The following SEPTIN9 variants were observed in gnomAD, a reference collection of about 807,000 sequenced individuals.
SEPTIN9 encodes the protein septin 9, also known as septin-9.
Under a neutral mutation model 56.6 loss-of-function variants are expected in SEPTIN9, and 13 were observed. That is an observed-to-expected ratio of 0.23 (90% CI 0.15 to 0.37). The LOEUF (loss-of-function observed/expected upper bound fraction) is 0.37, where lower values mean the gene tolerates loss of function less well. SEPTIN9 is among the 10% of genes least tolerant of loss of function. SEPTIN9 has a pLI of 1.00. For synonymous variants in SEPTIN9, 332 were observed against 334.1 expected (o/e 0.99, Z 0.07); for missense variants, 650 against 823.1 (o/e 0.79, Z 2.57).
chr17:77,430,505 C>T (rs954683910), intron 3 of SEPTIN9, among the ~76,000 whole-genome samples: 1 of 152,158 alleles, frequency 6.6e-6, no homozygotes, highest in African/African-American at 2.4e-5. Context: ...AGGGAAGTGA[C>T]CTCATAGCAA....
At chr17:77,355,850 C>T (rs11650652) in intron 2 of SEPTIN9, among the ~76,000 whole-genome samples, 34,636 of 149,436 alleles carry the variant, frequency 0.23, 4,210 homozygotes, top group East Asian at 0.6. Context: ...GGCGTGGTGG[C>T]GGGTGCCTGT....
intron 2 of SEPTIN9, among the ~76,000 whole-genome samples, chr17:77,384,418 C>T (rs530169780): frequency 7.3e-5 from 11 of 151,696 alleles, no homozygotes; most frequent in South Asian, 6.3e-4. Context: ...GGATAACTCC[C>T]GGGGAGGTGG....
chr17:77,456,975 G>A lies in SEPTIN9; in HGVS notation c.722-25169G>A, dbSNP rs1431497344. Among the ~76,000 whole-genome samples, 1 of 152,238 alleles carries A rather than the reference G, an allele frequency of 6.6e-6. No individual in the cohort carries two copies. The highest frequency in any genetic ancestry group is 1.5e-5 in the Non-Finnish European group (1 of 68,044). ...AGGGCACGGTTGACTAAAGCTGCAG[G>A]AGCCAGCCTGGCCATCCTGAGGCAC... is the stretch of plus-strand genomic sequence containing the variant. On this transcript the variant is annotated intron_variant, in intron 3 of 11. Coordinates refer to ENST00000427177, the MANE Select transcript of SEPTIN9 (RefSeq NM_001113491.2). The surrounding 1 kb of genome is among the most constrained non-coding windows in gnomAD (Gnocchi z 6.0).
chr17:77,497,891 G>T (rs1324235699), intron 11 of SEPTIN9, among the ~76,000 whole-genome samples: 1 of 144,602 alleles, frequency 6.9e-6, no homozygotes, highest in Admixed American at 6.8e-5. Flanking sequence ...TGGCATGGAT[G>T]ATGGGAATGT....
rs2040392123 is a variant in SEPTIN9, at chr17:77,498,849, C to T, written c.*191C>T. On this transcript the variant is annotated 3_prime_UTR_variant, in exon 12 of 12. Transcript: ENST00000427177. ...AGTCAGTGATGAGGCCGCGGCCTCC[C>T]CGAGGTTGTGGGGAGGCTGCACTGG... 4.8e-6 allele frequency: 3 copies of T among 625,666 alleles called. No individual in the cohort carries two copies. The allele number at this position is 625,666 out of a possible 1,614,324, so 38.8% of individuals were successfully genotyped here.
At chr17:77,447,620 A>T (rs1425175436) in intron 3 of SEPTIN9, among the ~76,000 whole-genome samples, 1 of 152,160 alleles carries the variant, frequency 6.6e-6, no homozygotes, top group East Asian at 1.9e-4. Flanking sequence ...TAAAACATTC[A>T]TTTCTTTTTT....
At chr17:77,424,665 T>A (rs2036834530) in intron 3 of SEPTIN9, among the ~76,000 whole-genome samples, 1 of 152,252 alleles carries the variant, frequency 6.6e-6, no homozygotes, top group African/African-American at 2.4e-5. Context: ...AGCTCTTTGC[T>A]GTTGATCTTT....
intron 2 of SEPTIN9, among the ~76,000 whole-genome samples, chr17:77,393,503 A>G (rs76316657): frequency 0.041 from 6,237 of 152,216 alleles, 434 homozygotes; most frequent in African/African-American, 0.14. Flanking sequence ...CCCCACAGAC[A>G]CACACCCAGG....
At chr17:77,373,528 G>A in intron 2 of SEPTIN9, 1 of 1,545,532 alleles carries the variant, frequency 6.5e-7, no homozygotes, top group Non-Finnish European at 8.7e-7. Flanking sequence ...CGCGCAGCTG[G>A]ATGGGATCAT....
intron 2 of SEPTIN9, among the ~76,000 whole-genome samples, chr17:77,380,634 G>C (rs1393202359): frequency 6.6e-6 from 1 of 152,182 alleles, no homozygotes. Flanking sequence ...GACACCTGGA[G>C]CGGCTTTCCT....
Position 77,436,162 on chromosome 17 carries a change from A to G in SEPTIN9, c.721+33459A>G, listed in dbSNP as rs41407044. 0.023 allele frequency among the ~76,000 whole-genome samples: 3,432 copies of G among 152,158 alleles called. 112 individuals are homozygous for G. The highest frequency in any genetic ancestry group is 0.071 in the African/African-American group (2,942 of 41,490). ...AGTGTGAGGATGCCTGCTGGAAGCCAACGTGCACGAAAGAGTTAATGGTGG... is the reference window on the plus strand; with the variant it reads ...AGTGTGAGGATGCCTGCTGGAAGCCGACGTGCACGAAAGAGTTAATGGTGG... On this transcript the variant is annotated intron_variant, in intron 3 of 11. Coordinates refer to ENST00000427177, the MANE Select transcript of SEPTIN9 (RefSeq NM_001113491.2). This position sits in a 1 kb window ranked among gnomAD's most constrained non-coding sequence, Gnocchi z 4.4.
rs1598480758 is a variant in SEPTIN9 at position 77,496,950 on chromosome 17, T to C, written c.1574-365T>C. The C allele has an allele frequency of 9.1e-6, 3 of 328,576 alleles. No homozygotes were observed. The East Asian group carries it at 1.9e-4, about 21-fold the overall frequency. The allele number at this position is 328,576 out of a possible 1,614,324, so 20.4% of individuals were successfully genotyped here. ...AGGCCCCTGCTGGGACGTCCTGCTC[T>C]CCCTGGTCACCCCAGTGGTGCGGGG... On this transcript the variant is annotated intron_variant, in intron 10 of 11. Transcript: ENST00000427177.
Position 77,488,591 on chromosome 17 carries a change from C to T in SEPTIN9, c.1125-136C>T, listed in dbSNP as rs112522374. ...GCCGAGGGTAAGGCTGTGGCATCTC[C>T]GCTCAGCAAGCCAGACCTCCCAGGG... On this transcript the variant is annotated intron_variant, in intron 6 of 11. Coordinates refer to ENST00000427177, the MANE Select transcript of SEPTIN9 (RefSeq NM_001113491.2). 1.4e-3 allele frequency: 1,775 copies of T among 1,280,494 alleles called. 11 individuals carry two copies. The African/African-American group carries it at 0.017, about 12-fold the overall frequency. The allele number at this position is 1,280,494 out of a possible 1,614,324, so 79.3% of individuals were successfully genotyped here.
intron 3 of SEPTIN9, among the ~76,000 whole-genome samples, chr17:77,424,458 A>G (rs1227067639): frequency 1.3e-5 from 2 of 152,256 alleles, no homozygotes; most frequent in East Asian, 3.9e-4. Context: ...CCTGGGTGGG[A>G]GGGAAGGGGC....
At chr17:77,391,221 C>T (rs1322860283) in intron 2 of SEPTIN9, among the ~76,000 whole-genome samples, 2 of 152,126 alleles carry the variant, frequency 1.3e-5, no homozygotes, top group Non-Finnish European at 2.9e-5. Context: ...CTGAGGGAGT[C>T]GAATGGAATG....
intron 2 of SEPTIN9, among the ~76,000 whole-genome samples, chr17:77,307,999 C>T (rs979016352): frequency 6.6e-6 from 1 of 152,204 alleles, no homozygotes; most frequent in Non-Finnish European, 1.5e-5. Context: ...TGGGAGCCTA[C>T]GTTGTTCTTG....
chr17:77,348,305 T>TG lies in SEPTIN9; in HGVS notation c.76+41108_76+41109insG, dbSNP rs11381881. The stretch of plus-strand genomic sequence containing the variant: ...CTATTTTAATTTATGTTTTTTTTTT[T>TG]TTTTTTTTTTTAAGACAGAGTCTCA... On this transcript the variant is annotated intron_variant, in intron 2 of 11. Coordinates refer to ENST00000427177, the MANE Select transcript of SEPTIN9 (RefSeq NM_001113491.2). Among the ~76,000 whole-genome samples the TG allele has an allele frequency of 6.9e-5, 10 of 145,066 alleles. No homozygotes were observed. In the East Asian group the frequency reaches 1.4e-3, roughly 20 times the overall value.
At chr17:77,454,507 G>T (rs1016214010) in intron 3 of SEPTIN9, 12 of 371,350 alleles carry the variant, frequency 3.2e-5, no homozygotes, top group African/African-American at 2.6e-4. Context: ...CTAATTACAG[G>T]CCCATGAGGG....
In SEPTIN9 at chr17:77,405,943, A is replaced by T. The variant is rs2036053170; in HGVS notation, c.721+3240A>T. ...CCCCTCTGTCCCCCGAGCACCAGGG[A>T]TCCAGCTGGCACCATGGGGAAAGGA... On this transcript the variant is annotated intron_variant, in intron 3 of 11. Coordinates refer to ENST00000427177, the MANE Select transcript of SEPTIN9 (RefSeq NM_001113491.2). This position sits in a 1 kb window ranked among gnomAD's most constrained non-coding sequence, Gnocchi z 5.8. 6.6e-6 allele frequency among the ~76,000 whole-genome samples: 1 copy of T among 152,136 alleles called. No individual in the cohort carries two copies. Among genetic ancestry groups the T allele is most frequent in the Admixed American group, 6.5e-5 (1 of 15,278 alleles).
Sources: gnomAD v4.1 joint callset for allele counts (sites outside exome capture counted in the v4.1 genomes callset) on GRCh38, gnomAD v4.1.1 for gene constraint, Gnocchi (gnomAD v3.1) non-coding constraint, MANE v1.5 for transcripts, NCBI Gene and HGNC (gene_info 2026-07-23, HGNC 2026-07-21) for gene names.